GRIP2: variants seen among roughly 807,000 people sequenced by gnomAD.
GRIP2 encodes glutamate receptor interacting protein 2, also known as glutamate receptor-interacting protein 2.
In GRIP2, 58 loss-of-function variants were observed where a neutral mutation model predicts 108.3. The ratio of observed to expected loss-of-function variants is 0.54; its 90% CI spans 0.43 to 0.67. The LOEUF is 0.67. Among genes scored for constraint, GRIP2 ranks in the 30% least tolerant of loss-of-function variants. GRIP2 has a pLI of 0.00. For synonymous variants in GRIP2, 586 were observed against 598.2 expected, an observed-to-expected ratio of 0.98 and a Z score of 0.30; for missense variants, 1,278 against 1,430.6, an observed-to-expected ratio of 0.89 and a Z score of 1.72.
At chr3:14,527,217 AAG>A (rs1282627991) in intron 1 of GRIP2, among the ~76,000 whole-genome samples, 4 of 151,842 alleles carry the variant, frequency 2.6e-5, no homozygotes, top group Middle Eastern at 3.2e-3. Context: ...ACAGAGACAG[AAG>A]AGAGAGAGGG....
chr3:14,523,314 C>T (rs1011394043), intron 5 of GRIP2: 6 of 576,442 alleles, frequency 1.0e-5, no homozygotes, highest in Admixed American at 3.2e-5. Context: ...CCTTCTGTGA[C>T]CTCACCTTAT....
chr3:14,590,338 T>C, the GRIP2 span, among the ~76,000 whole-genome samples: 1 of 152,360 alleles, frequency 6.6e-6, no homozygotes, highest in Admixed American at 6.5e-5. Flanking sequence ...TTATCTGGGA[T>C]GTAGGTTGTA....
Position 14,525,663 on chromosome 3 carries a change from G to A in GRIP2, c.122-91C>T, listed in dbSNP as rs114948835. ...GATAAGCGAGGCGAGCACCTGGTTG[G>A]TAGGGCACTCTGCTGCATTGCCCTG... On this transcript the variant is annotated intron_variant, in intron 2 of 23. Transcript: ENST00000621039. 11,146 of 1,502,938 alleles carry A rather than the reference G, an allele frequency of 7.4e-3. 107 individuals carry two copies. The highest frequency in any genetic ancestry group is 0.024 in the Middle Eastern group (131 of 5,482). 93.1% of individuals were successfully genotyped at this position (1,502,938 alleles called of 1,614,324 possible). A position where few individuals can be genotyped will look rare whatever the true frequency, so the allele number is the denominator to read the frequency against.
intron 1 of GRIP2, among the ~76,000 whole-genome samples, chr3:14,538,200 TCTC>T (rs1694879306): frequency 6.6e-6 from 1 of 152,154 alleles, no homozygotes. Flanking sequence ...TGGGCTGACT[TCTC>T]AGGGCTGCAG....
the GRIP2 span, among the ~76,000 whole-genome samples, chr3:14,563,730 T>C: frequency 6.6e-6 from 1 of 151,946 alleles, no homozygotes; most frequent in African/African-American, 2.4e-5. Context: ...GCAGCTAGAA[T>C]TACAGGGGAG....
In GRIP2 at chr3:14,505,680, G is replaced by A. The variant is rs747556022; in HGVS notation, c.2508C>T (p.Thr836=). ...PPTEPRRTSY[T]PTPADESFPE... ...GAAAGCTCTCGTCAGCTGGGGTTGG[G>A]GTATAGCTCGTCCTCCGGGGCTCGG... The change falls in exon 20 of 24, where the codon ACC becomes ACT. Residue 836 remains threonine (T), a synonymous_variant. Coordinates refer to ENST00000621039, the MANE Select transcript of GRIP2 (RefSeq NM_001080423.4). The surrounding 1 kb of genome is among the most constrained non-coding windows in gnomAD (Gnocchi z 4.2). 21 of 1,606,012 alleles carry A rather than the reference G, an allele frequency of 1.3e-5. No individual in the cohort carries two copies. The highest frequency in any genetic ancestry group is 1.7e-5 in the Non-Finnish European group (20 of 1,176,448).
Position 14,520,405 on chromosome 3 carries a change from G to C in GRIP2, c.845C>G (p.Ala282Gly). The C allele has an allele frequency of 6.2e-7, 1 of 1,612,460 alleles. No homozygotes were observed. The highest frequency in any genetic ancestry group is 8.5e-7 in the Non-Finnish European group (1 of 1,179,306). ...SVITIDRIKP[A>G]SVVDRSGALH... ...TGTGCCTTACCTGTCCACCACGCTG[G>C]CTGGCTTGATGCGGTCGATGGTAAT... Residue 282 changes from alanine to glycine, a missense_variant, in exon 8 of 24, where the codon GCC becomes GGC. By Grantham distance (60) the Ala-to-Gly change is moderately conservative. Transcript: ENST00000621039.
rs1435971245 is a variant in GRIP2 at position 14,503,651 on chromosome 3, C to A, written c.2594G>T (p.Arg865Leu). 5 of 1,360,718 alleles carry A rather than the reference C, an allele frequency of 3.7e-6. No homozygotes were observed. In the African/African-American group the frequency reaches 8.0e-5, roughly 22 times the overall value. 84.3% of individuals were successfully genotyped at this position (1,360,718 alleles called of 1,614,324 possible). A position where few individuals can be genotyped will look rare whatever the true frequency, so the allele number is the denominator to read the frequency against. The change falls in exon 21 of 24, where the codon CGA becomes CTA. Residue 865 changes from arginine (R) to leucine (L), a missense_variant. Transcript: ENST00000621039. ...AAACATGCGCCAGAAGCCCTCCTCT[C>A]GGGCAGGGCCAGGGGCTGGGCTGTA... is the stretch of plus-strand genomic sequence containing the variant. ...PPTSPAPGPAREEGFWRMFGE... is the reference protein window; with the variant it reads ...PPTSPAPGPALEEGFWRMFGE...
rs1694404659 is a variant in GRIP2 at position 14,521,420 on chromosome 3, GCTCCATGAGAACAGACAC to G, written c.712+204_712+221del. The G allele has an allele frequency of 1.9e-6, 1 of 521,682 alleles. No homozygotes were observed. The highest frequency in any genetic ancestry group is 3.4e-6 in the Non-Finnish European group (1 of 297,776). The allele number at this position is 521,682 out of a possible 1,614,324, so 32.3% of individuals were successfully genotyped here. On this transcript the variant is annotated intron_variant, in intron 7 of 23. Transcript: ENST00000621039. The surrounding 1 kb of genome is among the most constrained non-coding windows in gnomAD (Gnocchi z 5.1). ...CTGTCCTCTCTCCACCAGAATGCCAGCTCCATGAGAACAGACACCTCAATTCTGTTGTTCTAGGCTGGA... is the reference window on the plus strand; with the variant it reads ...CTGTCCTCTCTCCACCAGAATGCCAGCTCAATTCTGTTGTTCTAGGCTGGA...
upstream of GRIP2, among the ~76,000 whole-genome samples, chr3:14,546,028 G>C (rs1695052580): frequency 6.6e-6 from 1 of 152,228 alleles, no homozygotes; most frequent in South Asian, 2.1e-4. Context: ...TGTTGGCACA[G>C]AGAATACAAG....
At chr3:14,571,556 G>A in the GRIP2 span, among the ~76,000 whole-genome samples, 4 of 152,088 alleles carry the variant, frequency 2.6e-5, no homozygotes, top group Admixed American at 1.3e-4. Flanking sequence ...CAATGCTCCC[G>A]ACAGAGAAGG....
the GRIP2 span, among the ~76,000 whole-genome samples, chr3:14,567,832 C>A: frequency 0.82 from 125,438 of 152,220 alleles, 51,790 homozygotes; most frequent in South Asian, 0.92. Context: ...ATGTAACACA[C>A]CACAGGTTGA....
upstream of GRIP2, among the ~76,000 whole-genome samples, chr3:14,544,029 G>A (rs192354124): frequency 2.7e-4 from 41 of 152,310 alleles, no homozygotes; most frequent in Non-Finnish European, 4.7e-4. Context: ...AACTAACGCC[G>A]TCAAATAGGC....
At chr3:14,558,660 G>A (rs1695271349), upstream of GRIP2, among the ~76,000 whole-genome samples, 1 of 152,146 alleles carries the variant, frequency 6.6e-6, no homozygotes, top group African/African-American at 2.4e-5. Flanking sequence ...GGCCTTACAG[G>A]TGAGGACACT....
intron 21 of GRIP2, among the ~76,000 whole-genome samples, chr3:14,500,951 T>G (rs1404517121): frequency 6.6e-6 from 1 of 152,206 alleles, no homozygotes; most frequent in African/African-American, 2.4e-5. Flanking sequence ...ACAAAGGTAT[T>G]GCTTACACTT....
At chr3:14,568,687 A>G in the GRIP2 span, among the ~76,000 whole-genome samples, 3 of 152,224 alleles carry the variant, frequency 2.0e-5, no homozygotes, top group African/African-American at 4.8e-5. Context: ...GTCCAGAAGT[A>G]TACCTGTGTG....
intron 20 of GRIP2, 107 bp from the exon 21 acceptor site, chr3:14,503,778 A>C (rs908408320): frequency 1.8e-4 from 1 of 5,604 alleles, no homozygotes; most frequent in Non-Finnish European, 3.4e-4. Context: ...TCGAGGGGCC[A>C]TAGGGTGGGT....
Position 14,498,911 on chromosome 3 carries a change from G to A in GRIP2, c.2680-2351C>T, listed in dbSNP as rs543458433. The stretch of plus-strand genomic sequence containing the variant: ...TTAGTGGCCCATGGAAGGTAACAAC[G>A]AGACATACGCGTTTGGAGCTGGGGT... On this transcript the variant is annotated intron_variant, in intron 21 of 23. Coordinates refer to ENST00000621039, the MANE Select transcript of GRIP2 (RefSeq NM_001080423.4). 3.8e-4 allele frequency among the ~76,000 whole-genome samples: 58 copies of A among 152,306 alleles called. 1 individual carries two copies. The South Asian group carries it at 0.011, about 28-fold the overall frequency.
chr3:14,557,968 T>G (rs1262857492), upstream of GRIP2, among the ~76,000 whole-genome samples: 1 of 152,124 alleles, frequency 6.6e-6, no homozygotes, highest in African/African-American at 2.4e-5. Flanking sequence ...ACACAGTAGG[T>G]GCTAGATAAA....
Sources: gnomAD v4.1 joint callset for allele counts (sites outside exome capture counted in the v4.1 genomes callset) on GRCh38, gnomAD v4.1.1 for gene constraint, Gnocchi (gnomAD v3.1) non-coding constraint, MANE v1.5 for transcripts, NCBI Gene and HGNC (gene_info 2026-07-23, HGNC 2026-07-21) for gene names.